The following SUMF1 variants were observed in gnomAD, a reference collection of about 807,000 sequenced individuals.
SUMF1 encodes formylglycine-generating enzyme.
A neutral mutation model predicts 47.6 loss-of-function variants in SUMF1; 48 were observed. The ratio of observed to expected loss-of-function variants is 1.01; its 90% CI spans 0.80 to 1.28. The LOEUF (loss-of-function observed/expected upper bound fraction) is 1.28. Ranked by LOEUF, SUMF1 falls within the 50% of genes most tolerant of loss-of-function variation. The pLI, the probability that SUMF1 is intolerant of heterozygous loss-of-function variation, is 0.00. For synonymous variants in SUMF1, 230 were observed against 192.1 expected, an observed-to-expected ratio of 1.20 and a Z score of -1.63; for missense variants, 571 against 485.4, an observed-to-expected ratio of 1.18 and a Z score of -1.66.
At chr3:4,421,863 G>A (rs1701911174) in intron 3 of SUMF1, among the ~76,000 whole-genome samples, 1 of 152,160 alleles carries the variant, frequency 6.6e-6, no homozygotes, top group Non-Finnish European at 1.5e-5. Flanking sequence ...GTTACTCTTT[G>A]ATTGTTTTCA....
intron 8 of SUMF1, among the ~76,000 whole-genome samples, chr3:4,295,550 C>A (rs998474274): frequency 3.3e-5 from 5 of 152,040 alleles, no homozygotes; most frequent in African/African-American, 1.2e-4. Flanking sequence ...AATGAACGAA[C>A]CGCGGGCTGT....
chr3:4,318,657 C>T (rs1698748078), intron 8 of SUMF1, among the ~76,000 whole-genome samples: 2 of 152,184 alleles, frequency 1.3e-5, no homozygotes, highest in African/African-American at 2.4e-5. Context: ...CCTGTAATCC[C>T]AGCACTTTGG....
At chr3:4,414,218 C>A (rs1701634068) in intron 6 of SUMF1, among the ~76,000 whole-genome samples, 1 of 152,138 alleles carries the variant, frequency 6.6e-6, no homozygotes, top group Non-Finnish European at 1.5e-5. Flanking sequence ...GTAGTCCCAG[C>A]TACTTGGAAG....
chr3:4,161,424 T>C (rs912160959), intron 8 of SUMF1, among the ~76,000 whole-genome samples: 1 of 152,116 alleles, frequency 6.6e-6, no homozygotes, highest in Non-Finnish European at 1.5e-5. Context: ...GGTCCAGAGA[T>C]GCAGTCTGGT....
At chr3:4,056,333 G>T (rs1351419927) in intron 9 of SUMF1, among the ~76,000 whole-genome samples, 1 of 151,922 alleles carries the variant, frequency 6.6e-6, no homozygotes, top group Non-Finnish European at 1.5e-5. Context: ...AACTAAAAAG[G>T]TTCATACAGT....
chr3:4,393,141 G>A (rs116422526), intron 7 of SUMF1, among the ~76,000 whole-genome samples: 40 of 152,146 alleles, frequency 2.6e-4, no homozygotes, highest in African/African-American at 9.6e-4. Flanking sequence ...ATTTCTGGCT[G>A]GTCTACCACC....
At chr3:4,217,421 G>C (rs927673997) in intron 8 of SUMF1, among the ~76,000 whole-genome samples, 1 of 143,324 alleles carries the variant, frequency 7.0e-6, no homozygotes, top group African/African-American at 2.6e-5. Context: ...GTAGGTGACA[G>C]GTTGATGGGT....
chr3:4,171,027 C>T (rs968762230), intron 8 of SUMF1, among the ~76,000 whole-genome samples: 2 of 152,182 alleles, frequency 1.3e-5, no homozygotes, highest in Non-Finnish European at 2.9e-5. Flanking sequence ...CAGAAGAATA[C>T]TGCTGAGACT....
rs191427752 is a variant in SUMF1 at position 4,152,932 on chromosome 3, T to C, written c.1015-84187A>G. Among the ~76,000 whole-genome samples, 158 of 151,664 alleles carry C rather than the reference T, an allele frequency of 1.0e-3. 2 individuals carry two copies. The highest frequency in any genetic ancestry group is 6.1e-3 in the Admixed American group (93 of 15,288). On this transcript the variant is annotated intron_variant and NMD_transcript_variant, in intron 8 of 12. Coordinates refer to the SUMF1 transcript ENST00000448413. ...CTAGTCTCTCTCCCTGGCAGAGATA[T>C]TTGGTATCTGGTCAGCTTGCAGTCT...
intron 8 of SUMF1, among the ~76,000 whole-genome samples, chr3:4,309,311 A>G (rs1698314484): frequency 6.6e-6 from 1 of 152,046 alleles, no homozygotes; most frequent in African/African-American, 2.4e-5. Context: ...TCCCATCATG[A>G]CCTGAACTAG....
rs540616170 is a variant in SUMF1, at chr3:4,462,784, G to T, written c.270+4192C>A. 2.0e-5 allele frequency among the ~76,000 whole-genome samples: 3 copies of T among 152,292 alleles called. No individual in the cohort carries two copies. The South Asian group carries it at 6.2e-4, about 32-fold the overall frequency. ...TCTCTGGATCTGTCCACAAACTCCTGCCTTATCTATCTATACAGGGCTTAT... is the reference window on the plus strand; with the variant it reads ...TCTCTGGATCTGTCCACAAACTCCTTCCTTATCTATCTATACAGGGCTTAT... On this transcript the variant is annotated intron_variant, in intron 1 of 8. Coordinates refer to ENST00000272902, the MANE Select transcript of SUMF1 (RefSeq NM_182760.4).
At chr3:4,337,448 C>T (rs956369683) in intron 8 of SUMF1, among the ~76,000 whole-genome samples, 2 of 152,156 alleles carry the variant, frequency 1.3e-5, no homozygotes, top group Non-Finnish European at 2.9e-5. Context: ...TATCACTTTG[C>T]CAACTTTTGT....
intron 8 of SUMF1, among the ~76,000 whole-genome samples, chr3:4,293,744 T>C (rs1057331533): frequency 2.6e-5 from 4 of 152,204 alleles, no homozygotes; most frequent in Non-Finnish European, 4.4e-5. Context: ...GATTAATTAA[T>C]GTGATTATAT....
chr3:4,072,150 C>A (rs762253299), intron 8 of SUMF1, among the ~76,000 whole-genome samples: 21 of 152,150 alleles, frequency 1.4e-4, no homozygotes, highest in Non-Finnish European at 2.8e-4. Context: ...CCCAGGAAAA[C>A]AGGGTCTGGA....
intron 8 of SUMF1, among the ~76,000 whole-genome samples, chr3:4,250,814 T>C (rs187391503): frequency 2.3e-3 from 353 of 152,332 alleles, no homozygotes; most frequent in Non-Finnish European, 4.4e-3. Context: ...AAGCCCACTG[T>C]TGAGACTTGC....
chr3:4,332,145 C>T (rs1475945725), intron 8 of SUMF1, among the ~76,000 whole-genome samples: 3 of 152,150 alleles, frequency 2.0e-5, no homozygotes, highest in African/African-American at 7.2e-5. Context: ...TTAATTAGAG[C>T]CCTTTTACAT....
intron 8 of SUMF1, chr3:4,303,837 T>C: frequency 3.7e-6 from 5 of 1,345,534 alleles, no homozygotes; most frequent in Non-Finnish European, 4.9e-6. Flanking sequence ...GGGGGAGTCA[T>C]TTACCTCCCT....
chr3:4,213,853 C>T (rs1695856837), intron 8 of SUMF1, among the ~76,000 whole-genome samples: 1 of 152,182 alleles, frequency 6.6e-6, no homozygotes, highest in South Asian at 2.1e-4. Context: ...GCAGCAAGAA[C>T]AGCTAACTAC....
intron 8 of SUMF1, among the ~76,000 whole-genome samples, chr3:4,212,916 A>G (rs1695831008): frequency 6.6e-6 from 1 of 152,206 alleles, no homozygotes; most frequent in African/African-American, 2.4e-5. Flanking sequence ...ACTATGTGTA[A>G]AGACCAAACC....
Sources: gnomAD v4.1 joint callset for allele counts (sites outside exome capture counted in the v4.1 genomes callset) on GRCh38, gnomAD v4.1.1 for gene constraint, MANE v1.5 for transcripts, NCBI Gene and HGNC (gene_info 2026-07-23, HGNC 2026-07-21) for gene names.